DNAJC6: variants seen among roughly 807,000 people sequenced by gnomAD.
DNAJC6 encodes DnaJ heat shock protein family (Hsp40) member C6, also known as auxilin.
Under a neutral mutation model 110.0 loss-of-function variants are expected in DNAJC6, and 34 were observed. The observed-to-expected ratio is 0.31, with a 90% CI of 0.24 to 0.41. The LOEUF is 0.41. Among genes scored for constraint, DNAJC6 ranks in the 10% least tolerant of loss-of-function variants. The probability of loss-of-function intolerance (pLI) is 1.00; values close to 1 mark genes in which losing one functional copy is unlikely to be tolerated. For missense variants in DNAJC6, 1,031 were observed against 1,207.8 expected (o/e 0.85, Z 2.17); for synonymous variants, 406 against 437.2 (o/e 0.93, Z 0.89).
intron 1 of DNAJC6, among the ~76,000 whole-genome samples, chr1:65,339,150 G>A (rs1645365077): frequency 6.6e-6 from 1 of 152,070 alleles, no homozygotes; most frequent in African/African-American, 2.4e-5. Flanking sequence ...AGATACCTGA[G>A]TAAATAAATA....
chr1:65,324,367 GT>G (rs200560982), intron 1 of DNAJC6, among the ~76,000 whole-genome samples: 6 of 146,886 alleles, frequency 4.1e-5, no homozygotes, highest in African/African-American at 7.5e-5. Flanking sequence ...GTTTTGTTTT[GT>G]TTTTTTTTTA....
Position 65,365,903 on chromosome 1 carries a change from A to G in DNAJC6, c.363A>G (p.Leu121=), listed in dbSNP as rs368452792. ...QSVTSYTKGD[L]DFTYVTSRII... is the part of the protein sequence containing the mutation. Reference sequence around the variant, plus strand: ...CTTTTAGCTACACAAAGGGAGATTTAGACTTCACTTATGTTACCTCCAGAA... The same window carrying G: ...CTTTTAGCTACACAAAGGGAGATTTGGACTTCACTTATGTTACCTCCAGAA... Residue 121 remains leucine (L), a synonymous_variant, in exon 3 of 19, where the codon TTA becomes TTG. Transcript: ENST00000371069. 12 of 1,613,440 alleles carry G rather than the reference A, an allele frequency of 7.4e-6. No individual in the cohort carries two copies. The highest frequency in any genetic ancestry group is 9.3e-6 in the Non-Finnish European group (11 of 1,179,674).
At chr1:65,341,417 A>T (rs1257384371) in intron 1 of DNAJC6, among the ~76,000 whole-genome samples, 1 of 152,104 alleles carries the variant, frequency 6.6e-6, no homozygotes. Flanking sequence ...CTGTCTTTGA[A>T]ATTTCAGCAC....
Position 65,385,579 on chromosome 1 carries a change from T to C in DNAJC6, c.801-133T>C, listed in dbSNP as rs924900240. ...ATTGATCGCATTATCTTTTGCTAGT[T>C]AATATTTAAGAAATTGATAGAATAA... On this transcript the variant is annotated intron_variant, in intron 6 of 18. Transcript: ENST00000371069. 5 of 746,958 alleles carry C rather than the reference T, an allele frequency of 6.7e-6. No individual in the cohort carries two copies. The South Asian group carries it at 1.8e-4, about 27-fold the overall frequency. The allele number at this position is 746,958 out of a possible 1,614,324, so 46.3% of individuals were successfully genotyped here. A position where few individuals can be genotyped will look rare whatever the true frequency, so the allele number is the denominator to read the frequency against.
chr1:65,402,498 C>G (rs1430149650), intron 15 of DNAJC6, among the ~76,000 whole-genome samples: 1 of 151,892 alleles, frequency 6.6e-6, no homozygotes, highest in Non-Finnish European at 1.5e-5. Context: ...ACACAGTATC[C>G]AGAGTTCTCA....
chr1:65,292,862 G>A (rs1463357357), intron 1 of DNAJC6, among the ~76,000 whole-genome samples: 1 of 152,166 alleles, frequency 6.6e-6, no homozygotes, highest in African/African-American at 2.4e-5. Flanking sequence ...GGCTCAGAGG[G>A]CAGTTCTTCC....
At chr1:65,350,866 G>A (rs532686213) in intron 1 of DNAJC6, among the ~76,000 whole-genome samples, 74 of 152,244 alleles carry the variant, frequency 4.9e-4, no homozygotes, top group Non-Finnish European at 6.6e-4. Context: ...TATAACCTCT[G>A]GTATATAGTG....
At chr1:65,282,508 C>A (rs962267867) in intron 1 of DNAJC6, among the ~76,000 whole-genome samples, 14 of 152,094 alleles carry the variant, frequency 9.2e-5, no homozygotes, top group Non-Finnish European at 8.8e-5. Flanking sequence ...TAGGGCCAGA[C>A]TTTCATTGGA....
chr1:65,370,320 T>C (rs533842335), intron 4 of DNAJC6, among the ~76,000 whole-genome samples: 240 of 152,342 alleles, frequency 1.6e-3, no homozygotes, highest in African/African-American at 5.5e-3. Context: ...ATTAATTATA[T>C]TCCCAATGTT....
chr1:65,297,733 G>A (rs1644941483), intron 1 of DNAJC6, among the ~76,000 whole-genome samples: 1 of 152,224 alleles, frequency 6.6e-6, no homozygotes. Flanking sequence ...TTAGCTGCAA[G>A]ATTGGAAATG....
intron 1 of DNAJC6, among the ~76,000 whole-genome samples, chr1:65,337,177 G>A (rs114659706): frequency 1.0e-3 from 156 of 149,518 alleles, no homozygotes; most frequent in African/African-American, 3.7e-3. Flanking sequence ...CTTTTTGCAA[G>A]ACTATCTCGT....
At position 65,351,405 on chromosome 1, in the gene DNAJC6, G is replaced by T. The variant is rs181198382; in HGVS notation, c.194-13230G>T. Among the ~76,000 whole-genome samples, 117 of 152,272 alleles carry T rather than the reference G, an allele frequency of 7.7e-4. 1 individual carries two copies. Among genetic ancestry groups the T allele is most frequent in the African/African-American group, 2.7e-3 (111 of 41,556 alleles). On this transcript the variant is annotated intron_variant, in intron 1 of 18. Transcript: ENST00000371069. ...GACCCCAGATAATTCTGAAACTGAT[G>T]GTTGTGGGTTCATATTTTAGAACTG...
chr1:65,309,229 C>T (rs75992237), upstream of DNAJC6, among the ~76,000 whole-genome samples: 8,898 of 151,688 alleles, frequency 0.059, 320 homozygotes, highest in Non-Finnish European at 0.079. Context: ...ACCCTCCCAA[C>T]CCACGTCGTA....
At chr1:65,294,544 A>C (rs1415169081) in intron 1 of DNAJC6, among the ~76,000 whole-genome samples, 1 of 152,218 alleles carries the variant, frequency 6.6e-6, no homozygotes, top group Non-Finnish European at 1.5e-5. Flanking sequence ...GCCACTGGCT[A>C]TAAGTGGCTA....
At chr1:65,304,919 A>G (rs1002711737), upstream of DNAJC6, among the ~76,000 whole-genome samples, 4 of 152,350 alleles carry the variant, frequency 2.6e-5, no homozygotes, top group African/African-American at 9.6e-5. Context: ...TTTAAGAAGT[A>G]CAGGACCGAC....
At chr1:65,283,491 C>T (rs1653917229) in intron 1 of DNAJC6, among the ~76,000 whole-genome samples, 3 of 152,120 alleles carry the variant, frequency 2.0e-5, no homozygotes. Flanking sequence ...CAGTCCATTC[C>T]TTTTTACTGC....
At chr1:65,396,612 C>T (rs1487846666) in intron 13 of DNAJC6, among the ~76,000 whole-genome samples, 1 of 152,144 alleles carries the variant, frequency 6.6e-6, no homozygotes, top group East Asian at 1.9e-4. Context: ...CTGATTCCTC[C>T]GTTTCAAATT....
chr1:65,275,364 A>T (rs79897793), intron 1 of DNAJC6, among the ~76,000 whole-genome samples: 29 of 152,322 alleles, frequency 1.9e-4, no homozygotes, highest in African/African-American at 6.5e-4. Flanking sequence ...AATTATGGGG[A>T]AGCAGGTGTT....
At chr1:65,383,083 A>G (rs1410990568) in intron 5 of DNAJC6, among the ~76,000 whole-genome samples, 1 of 152,208 alleles carries the variant, frequency 6.6e-6, no homozygotes, top group Non-Finnish European at 1.5e-5. Flanking sequence ...AACTCAACAT[A>G]TTCAGTATAA....
Sources: gnomAD v4.1 joint callset for allele counts (sites outside exome capture counted in the v4.1 genomes callset) on GRCh38, gnomAD v4.1.1 for gene constraint, MANE v1.5 for transcripts, NCBI Gene and HGNC (gene_info 2026-07-23, HGNC 2026-07-21) for gene names.